CYTH4: variants seen among roughly 807,000 people sequenced by gnomAD.
CYTH4 encodes cytohesin 4.
A neutral mutation model predicts 57.5 loss-of-function variants in CYTH4; 22 were observed. The observed-to-expected ratio is 0.38, with a 90% CI of 0.27 to 0.55. The LOEUF is 0.55. Among genes scored for constraint, CYTH4 ranks in the 20% least tolerant of loss-of-function variants. The pLI, the probability that CYTH4 is intolerant of heterozygous loss-of-function variation, is 0.74. For missense variants in CYTH4, 420 were observed against 535.6 expected (o/e 0.78, Z 2.13); for synonymous variants, 186 against 206.5 (o/e 0.90, Z 0.85).
At chr22:37,288,267 C>T (rs553751142) in intron 1 of CYTH4, among the ~76,000 whole-genome samples, 1 of 152,288 alleles carries the variant, frequency 6.6e-6, no homozygotes, top group Non-Finnish European at 1.5e-5. Context: ...CAGAGATTGG[C>T]TGGGCATGGT....
At chr22:37,304,153 T>C (rs374103203) in intron 8 of CYTH4, 12 of 456,656 alleles carry the variant, frequency 2.6e-5, no homozygotes, top group Middle Eastern at 3.3e-4. Context: ...GGAGGTGACT[T>C]CTGAACTGGG....
chr22:37,294,866 G>A lies in CYTH4; in HGVS notation c.167+142G>A, dbSNP rs531558939. ...TGGCCAGGGAGAAGGAGGCAGCAACGAGACCGGAACAGGGTGGCCCCGGCC... is the reference window on the plus strand; with the variant it reads ...TGGCCAGGGAGAAGGAGGCAGCAACAAGACCGGAACAGGGTGGCCCCGGCC... On this transcript the variant is annotated intron_variant, in intron 3 of 12. Coordinates refer to ENST00000248901, the MANE Select transcript of CYTH4 (RefSeq NM_013385.5). 1.6e-4 allele frequency: 160 copies of A among 1,009,504 alleles called. No homozygotes were observed. The African/African-American group carries it at 2.2e-3, about 14-fold the overall frequency. The allele number at this position is 1,009,504 out of a possible 1,614,324, so 62.5% of individuals were successfully genotyped here.
At chr22:37,292,943 GCCGAT>G (rs1164475909) in intron 2 of CYTH4, among the ~76,000 whole-genome samples, 1 of 152,156 alleles carries the variant, frequency 6.6e-6, no homozygotes, top group Non-Finnish European at 1.5e-5. Context: ...CCCACCGTGT[GCCGAT>G]CCTCATCCTG....
Position 37,295,167 on chromosome 22 carries a change from C to T in CYTH4, c.167+443C>T, listed in dbSNP as rs553817704. ...CCACGCCCACCGCCTCTGTGGAAAACTCCCACTATTTTGTGATCTGGGACA... is the reference window on the plus strand; with the variant it reads ...CCACGCCCACCGCCTCTGTGGAAAATTCCCACTATTTTGTGATCTGGGACA... On this transcript the variant is annotated intron_variant, in intron 3 of 12. Transcript: ENST00000248901. This position sits in a 1 kb window ranked among gnomAD's most constrained non-coding sequence, Gnocchi z 4.1. Among the ~76,000 whole-genome samples, 6 of 152,284 alleles carry T rather than the reference C, an allele frequency of 3.9e-5. No homozygotes were observed. The highest frequency in any genetic ancestry group is 1.3e-4 in the Admixed American group (2 of 15,292).
At position 37,291,435 on chromosome 22, in the gene CYTH4, A is replaced by G. The variant is rs114049939; in HGVS notation, c.20-1186A>G. On this transcript the variant is annotated intron_variant, in intron 1 of 12. Transcript: ENST00000248901. ...AGGAAATGATGTCTATCCTTGTAAA[A>G]CCTTTAAGAAATGCGGCCAGGCACT... Among the ~76,000 whole-genome samples, 939 of 152,146 alleles carry G rather than the reference A, an allele frequency of 6.2e-3. 11 individuals carry two copies. Among genetic ancestry groups the G allele is most frequent in the African/African-American group, 0.022 (908 of 41,480 alleles).
At chr22:37,313,380 A>G in intron 12 of CYTH4, 59 bp from the exon 13 acceptor site, 1 of 1,545,544 alleles carries the variant, frequency 6.5e-7, no homozygotes. Context: ...AAGCCCTGGG[A>G]GAGCAGACCA....
chr22:37,300,910 G>C lies in CYTH4; in HGVS notation c.438G>C (p.Gln146His). 1 of 1,614,030 alleles carries C rather than the reference G, an allele frequency of 6.2e-7. No homozygotes were observed. The highest frequency in any genetic ancestry group is 8.5e-7 in the Non-Finnish European group (1 of 1,179,930). ...CGTGGCCCCGTTTCTCCCCCAGGCAGTTCCTGTGGAGCTTCCGGCTGCCGG... is the reference window on the plus strand; with the variant it reads ...CGTGGCCCCGTTTCTCCCCCAGGCACTTCCTGTGGAGCTTCCGGCTGCCGG... The part of the protein sequence containing the change: ...ANLNLVQALR[Q>H]FLWSFRLPGE... The change falls in exon 7 of 13, where the codon CAG (glutamine) becomes CAC (histidine). Residue 146 changes from glutamine to histidine, a missense_variant. Physicochemically the swap from Gln to His is conservative, Grantham distance 24. Transcript: ENST00000248901.
intron 4 of CYTH4, among the ~76,000 whole-genome samples, chr22:37,297,031 G>A (rs1278560329): frequency 2.0e-5 from 3 of 152,310 alleles, no homozygotes; most frequent in East Asian, 3.9e-4. Flanking sequence ...CATGGTCTGA[G>A]CCCATTTTCA....
intron 2 of CYTH4, among the ~76,000 whole-genome samples, chr22:37,292,994 C>T (rs1023810624): frequency 6.6e-6 from 1 of 152,204 alleles, no homozygotes; most frequent in African/African-American, 2.4e-5. Flanking sequence ...AGGCTCTGAC[C>T]CCTGTGGTGA....
At chr22:37,297,435 A>G (rs539938481) in intron 4 of CYTH4, 129 bp from the exon 5 acceptor site, 52 of 756,338 alleles carry the variant, frequency 6.9e-5, no homozygotes, top group Non-Finnish European at 1.0e-4. Context: ...AAAACTTCCC[A>G]GAACAGACTG....
At position 37,314,774 on chromosome 22, in the gene CYTH4, T is replaced by G; in HGVS notation, c.*1263T>G. ...AGGGGAGCCCCTGGAGGGAAATTCC[T>G]TGGCAGGGGAACAGGAAATGTGGCC... On this transcript the variant is annotated 3_prime_UTR_variant, in exon 13 of 13. Transcript: ENST00000248901. The G allele has an allele frequency of 1.0e-5, 2 of 195,734 alleles. No individual in the cohort carries two copies. The highest frequency in any genetic ancestry group is 1.0e-5 in the Non-Finnish European group (1 of 96,622). 12.1% of individuals were successfully genotyped at this position (195,734 alleles called of 1,614,324 possible).
chr22:37,306,006 G>A lies in CYTH4; in HGVS notation c.696+2604G>A, dbSNP rs546011344. ...GAGTTCAGACTCACAGGGATGGGAG[G>A]TCAAATCCCAGCTCTGCCCTTATGT... On this transcript the variant is annotated intron_variant, in intron 8 of 12. Transcript: ENST00000248901. 2.7e-3 allele frequency among the ~76,000 whole-genome samples: 416 copies of A among 152,304 alleles called. 1 individual carries two copies. The highest frequency in any genetic ancestry group is 3.6e-3 in the Non-Finnish European group (246 of 68,014).
At chr22:37,299,187 C>A (rs760375421) in intron 5 of CYTH4, 39 bp from the exon 6 acceptor site, 18 of 1,537,250 alleles carry the variant, frequency 1.2e-5, no homozygotes, top group Admixed American at 1.7e-5. Flanking sequence ...CAGCAAGTAT[C>A]CAAGTGTGTC....
Position 37,292,887 on chromosome 22 carries a change from G to A in CYTH4, c.102+184G>A, listed in dbSNP as rs145724655. Among the ~76,000 whole-genome samples the A allele has an allele frequency of 6.6e-5, 10 of 152,228 alleles. No individual in the cohort carries two copies. In the East Asian group the frequency reaches 1.9e-3, roughly 29 times the overall value. On this transcript the variant is annotated intron_variant, in intron 2 of 12. Transcript: ENST00000248901. ...AGACTGCAGACACCCCGAGACCCAG[G>A]GAGAACTGGGAGAGCCGGGGAGGGA...
chr22:37,299,881 C>T (rs1040343890), intron 6 of CYTH4, among the ~76,000 whole-genome samples: 23 of 152,126 alleles, frequency 1.5e-4, no homozygotes, highest in African/African-American at 4.8e-4. Context: ...ATCCCAGCTA[C>T]TCGGGAGGCT....
At chr22:37,299,901 G>A (rs1219130416) in intron 6 of CYTH4, among the ~76,000 whole-genome samples, 1 of 152,188 alleles carries the variant, frequency 6.6e-6, no homozygotes, top group Non-Finnish European at 1.5e-5. Context: ...TGAGGCAGGA[G>A]AATCACCTGG....
chr22:37,285,822 AGGCTCCGTGTGC>A lies in CYTH4; in HGVS notation c.19+3235_19+3246del, dbSNP rs1485596169. Among the ~76,000 whole-genome samples, 3 of 152,318 alleles carry A rather than the reference AGGCTCCGTGTGC, an allele frequency of 2.0e-5. No individual in the cohort carries two copies. In the East Asian group the frequency reaches 5.8e-4, roughly 29 times the overall value. ...TTTAACAAATAGAGGAAGGGTCAGT[AGGCTCCGTGTGC>A]ACCATGTAAGACACAGCAAGCCCGG... On this transcript the variant is annotated intron_variant, in intron 1 of 12. Transcript: ENST00000248901.
At chr22:37,296,635 G>C (rs1928979329) in intron 4 of CYTH4, 2 of 155,932 alleles carry the variant, frequency 1.3e-5, no homozygotes. Flanking sequence ...GTGGCCAGCA[G>C]AGAGCACCAA....
chr22:37,304,546 G>C (rs939290201), intron 8 of CYTH4, among the ~76,000 whole-genome samples: 1 of 152,172 alleles, frequency 6.6e-6, no homozygotes, highest in Non-Finnish European at 1.5e-5. Context: ...GGCAGAGGGG[G>C]CGCGAACACC....
Sources: gnomAD v4.1 joint callset for allele counts (sites outside exome capture counted in the v4.1 genomes callset) on GRCh38, gnomAD v4.1.1 for gene constraint, Gnocchi (gnomAD v3.1) non-coding constraint, MANE v1.5 for transcripts, NCBI Gene and HGNC (gene_info 2026-07-23, HGNC 2026-07-21) for gene names.